The following NEK11 variants were observed in gnomAD, a reference collection of about 807,000 sequenced individuals.
The protein encoded by NEK11 is serine/threonine-protein kinase Nek11.
NEK11 carries 72 observed loss-of-function variants against 80.7 expected under a neutral mutation model. The ratio of observed to expected loss-of-function variants is 0.89; its 90% CI spans 0.74 to 1.08. The LOEUF (loss-of-function observed/expected upper bound fraction) is 1.08. NEK11 is among the 50% of genes least tolerant of loss of function. NEK11 has a pLI of 0.00. For missense variants in NEK11, 764 were observed against 763.6 expected, an observed-to-expected ratio of 1.00 and a Z score of -0.01; for synonymous variants, 251 against 260.7, an observed-to-expected ratio of 0.96 and a Z score of 0.36.
At chr3:131,206,819 G>C (rs1400169817) in intron 14 of NEK11, among the ~76,000 whole-genome samples, 1 of 152,112 alleles carries the variant, frequency 6.6e-6, no homozygotes, top group Non-Finnish European at 1.5e-5. Context: ...TTCTCCTAAT[G>C]CTATCCCTCC....
At chr3:131,284,145 C>T (rs138312951) in intron 17 of NEK11, among the ~76,000 whole-genome samples, 16 of 152,320 alleles carry the variant, frequency 1.1e-4, no homozygotes, top group Admixed American at 3.9e-4. Context: ...GGAGGAGGCC[C>T]ATCTCTTATA....
At chr3:131,127,202 T>G (rs1469528451) in intron 5 of NEK11, among the ~76,000 whole-genome samples, 2 of 151,920 alleles carry the variant, frequency 1.3e-5, no homozygotes, top group African/African-American at 4.8e-5. Context: ...TGACCTCAGG[T>G]GATCCACCCA....
intron 3 of NEK11, among the ~76,000 whole-genome samples, chr3:131,033,300 C>T (rs2065149787): frequency 6.6e-6 from 1 of 152,084 alleles, no homozygotes; most frequent in South Asian, 2.1e-4. Flanking sequence ...GCTTTACATA[C>T]TAGACCACAA....
intron 3 of NEK11, among the ~76,000 whole-genome samples, chr3:131,079,342 A>G (rs1418303892): frequency 6.6e-6 from 1 of 152,186 alleles, no homozygotes; most frequent in Non-Finnish European, 1.5e-5. Context: ...ATGATGGTTA[A>G]TCTATGCATT....
intron 14 of NEK11, among the ~76,000 whole-genome samples, chr3:131,228,090 A>C (rs1487873597): frequency 1.3e-5 from 2 of 152,066 alleles, no homozygotes; most frequent in African/African-American, 2.4e-5. Flanking sequence ...AAAAAAAAGA[A>C]ATATCTAGGA....
chr3:131,293,943 C>T (rs550933922), intron 17 of NEK11, among the ~76,000 whole-genome samples: 2 of 151,950 alleles, frequency 1.3e-5, no homozygotes, highest in South Asian at 4.1e-4. Context: ...ATTTCTGATA[C>T]TAGCAATTTG....
chr3:131,131,830 A>G (rs1462082170), intron 5 of NEK11, among the ~76,000 whole-genome samples: 1 of 151,966 alleles, frequency 6.6e-6, no homozygotes, highest in Non-Finnish European at 1.5e-5. Flanking sequence ...TCTAATATAT[A>G]TATTCAGTGC....
In NEK11 at chr3:131,216,396, C is replaced by T. The variant is rs541805603; in HGVS notation, c.1400-12132C>T. On this transcript the variant is annotated intron_variant, in intron 14 of 17. Coordinates refer to ENST00000383366, the MANE Select transcript of NEK11 (RefSeq NM_024800.5). ...AAGATTTTATACTCAATTTTATTGG[C>T]AGCGAGGGCCTCATTGAAAGGGGAG... Among the ~76,000 whole-genome samples the T allele has an allele frequency of 3.3e-5, 5 of 152,308 alleles. No homozygotes were observed. In the East Asian group the frequency reaches 9.6e-4, roughly 29 times the overall value.
intron 3 of NEK11, among the ~76,000 whole-genome samples, chr3:131,061,098 CAAACTTTCCACACTTAGGCCT>C (rs1020083362): frequency 3.3e-5 from 5 of 151,444 alleles, no homozygotes; most frequent in Admixed American, 2.6e-4. Flanking sequence ...TGCTATAGAT[CAAACTTTCCACACTTAGGCCT>C]AGAGATCTAC....
Position 131,168,904 on chromosome 3 carries a change from C to A in NEK11, c.1251C>A (p.Asp417Glu). 1 of 1,613,694 alleles carries A rather than the reference C, an allele frequency of 6.2e-7. No homozygotes were observed. Among genetic ancestry groups the A allele is most frequent in the Non-Finnish European group, 8.5e-7 (1 of 1,179,866 alleles). The change falls in exon 13 of 18, where the codon GAC becomes GAA. Residue 417 changes from aspartate (D) to glutamate (E), a missense_variant. Transcript: ENST00000383366. ...PEGRLSCSPQ[D>E]EDEERWQGRE... ...GAAGACTTTCTTGTTCACCCCAGGA[C>A]GAGGATGAAGAGAGGTGGCAAGGCA...
At chr3:131,211,910 T>A (rs2094633118) in intron 14 of NEK11, among the ~76,000 whole-genome samples, 1 of 152,084 alleles carries the variant, frequency 6.6e-6, no homozygotes, top group Non-Finnish European at 1.5e-5. Flanking sequence ...GGTTCGAACA[T>A]CCTCCTTTAG....
chr3:131,253,987 C>A (rs1176606014), intron 16 of NEK11, among the ~76,000 whole-genome samples: 1 of 152,130 alleles, frequency 6.6e-6, no homozygotes, highest in African/African-American at 2.4e-5. Context: ...CTTGCTACCT[C>A]CCCTTGCTAC....
chr3:131,104,233 C>G (rs548441208), intron 4 of NEK11, among the ~76,000 whole-genome samples: 1 of 152,148 alleles, frequency 6.6e-6, no homozygotes, highest in East Asian at 1.9e-4. Flanking sequence ...GACAGAGGGC[C>G]TGTCAGTTGT....
At chr3:131,300,948 A>T (rs912690104) in intron 17 of NEK11, among the ~76,000 whole-genome samples, 10 of 152,194 alleles carry the variant, frequency 6.6e-5, no homozygotes, top group African/African-American at 2.4e-4. Flanking sequence ...AATAGCATTG[A>T]ATATGTAAAT....
At chr3:131,135,649 T>C (rs1354879432) in intron 7 of NEK11, among the ~76,000 whole-genome samples, 3 of 152,168 alleles carry the variant, frequency 2.0e-5, no homozygotes, top group Non-Finnish European at 4.4e-5. Context: ...TATACCTATA[T>C]ATCTCTTTAC....
At chr3:131,170,425 G>A (rs1446250586) in intron 13 of NEK11, among the ~76,000 whole-genome samples, 4 of 152,328 alleles carry the variant, frequency 2.6e-5, no homozygotes, top group South Asian at 4.1e-4. Context: ...CTGGAGTAGG[G>A]TGTGGTAAGT....
rs573831720 is a variant in NEK11 at position 131,262,919 on chromosome 3, T to C, written c.1622-10559T>C. 2.0e-5 allele frequency among the ~76,000 whole-genome samples: 3 copies of C among 151,824 alleles called. No individual in the cohort carries two copies. In the South Asian group the frequency reaches 6.2e-4, roughly 32 times the overall value. On this transcript the variant is annotated intron_variant, in intron 16 of 17. Transcript: ENST00000383366. ...ATGAGTGAGAACATGCAATGTTTGG[T>C]TTTCTGTTCTTGTGTTAGTTTGCTG... is the stretch of plus-strand genomic sequence containing the variant.
At chr3:131,349,455 C>T in intron 17 of NEK11, 102 bp from the exon 18 acceptor site, 8 of 992,578 alleles carry the variant, frequency 8.1e-6, no homozygotes, top group Admixed American at 5.2e-5. Flanking sequence ...TTTCTAAATC[C>T]CAGAATGACA....
intron 3 of NEK11, among the ~76,000 whole-genome samples, chr3:131,031,651 AAG>A (rs1238572708): frequency 1.3e-5 from 2 of 152,098 alleles, no homozygotes; most frequent in Non-Finnish European, 2.9e-5. Flanking sequence ...GAGAGAGAGA[AAG>A]AGAATGAGAG....
Sources: gnomAD v4.1 joint callset for allele counts (sites outside exome capture counted in the v4.1 genomes callset) on GRCh38, gnomAD v4.1.1 for gene constraint, MANE v1.5 for transcripts, NCBI Gene and HGNC (gene_info 2026-07-23, HGNC 2026-07-21) for gene names.